Variants in ITGA1 observed in about 807,000 individuals in gnomAD.
ITGA1 encodes integrin subunit alpha 1.
In ITGA1, 85 loss-of-function variants were observed where a neutral mutation model predicts 145.9. The observed-to-expected ratio is 0.58, with a 90% CI of 0.49 to 0.70. The LOEUF (loss-of-function observed/expected upper bound fraction) is 0.70. Among genes scored for constraint, ITGA1 ranks in the 30% least tolerant of loss-of-function variants. The pLI, the probability that ITGA1 is intolerant of heterozygous loss-of-function variation, is 0.00. For missense variants in ITGA1, 1,351 were observed against 1,418.7 expected (o/e 0.95, Z 0.77); for synonymous variants, 520 against 495.3 (o/e 1.05, Z -0.66).
intron 3 of ITGA1, among the ~76,000 whole-genome samples, chr5:52,863,815 A>G (rs1407010790): frequency 6.6e-6 from 1 of 152,162 alleles, no homozygotes; most frequent in Non-Finnish European, 1.5e-5. Flanking sequence ...AGCTTTGTAT[A>G]TAAAACTCTA....
intron 13 of ITGA1, 32 bp downstream of exon 13, chr5:52,909,073 GA>G: frequency 6.3e-7 from 1 of 1,585,158 alleles, no homozygotes; most frequent in Non-Finnish European, 8.5e-7. Context: ...AGAAATCCAG[GA>G]AAATCTCTTC....
At chr5:52,919,203 G>A (rs1442620839) in intron 16 of ITGA1, among the ~76,000 whole-genome samples, 1 of 152,124 alleles carries the variant, frequency 6.6e-6, no homozygotes, top group African/African-American at 2.4e-5. Context: ...CCGATTCAGA[G>A]GTAGAGTTTA....
chr5:52,900,413 T>A lies in ITGA1; in HGVS notation c.1309+2030T>A, dbSNP rs140550815. Among the ~76,000 whole-genome samples the A allele has an allele frequency of 1.6e-3, 242 of 152,256 alleles. 1 individual carries two copies. In the South Asian group the frequency reaches 0.034, roughly 21 times the overall value. On this transcript the variant is annotated intron_variant, in intron 11 of 28. Coordinates refer to ENST00000282588, the MANE Select transcript of ITGA1 (RefSeq NM_181501.2). The stretch of plus-strand genomic sequence containing the variant: ...TACCACATTTATACAGAAATTTCAC[T>A]TCTGTGGACCTAACCTAGGGAAAAA...
At chr5:52,863,415 A>G (rs1332032007) in intron 3 of ITGA1, among the ~76,000 whole-genome samples, 1 of 151,086 alleles carries the variant, frequency 6.6e-6, no homozygotes, top group African/African-American at 2.4e-5. Context: ...TTTATTCAGT[A>G]CAGTAAGACT....
chr5:52,906,889 C>T (rs773698223), intron 12 of ITGA1, among the ~76,000 whole-genome samples: 1 of 152,316 alleles, frequency 6.6e-6, no homozygotes, highest in Non-Finnish European at 1.5e-5. Context: ...ACAAACTGCA[C>T]TCGCTTTAAA....
rs1750714507 is a variant in ITGA1 at position 52,920,455 on chromosome 5, CCTT to C, written c.2282_2284del (p.Phe761del). 1.9e-6 allele frequency: 3 copies of C among 1,600,402 alleles called. No homozygotes were observed. Among genetic ancestry groups the C allele is most frequent in the Non-Finnish European group, 2.6e-6 (3 of 1,174,808 alleles). On this transcript the variant is annotated inframe_deletion, in exon 17 of 29. Coordinates refer to ENST00000282588, the MANE Select transcript of ITGA1 (RefSeq NM_181501.2). ...CGAAAATCAGAATGCACTAAGCACT[CCTT>C]CTACATGTTGGCAAGTAAATCATAT...
intron 2 of ITGA1, among the ~76,000 whole-genome samples, chr5:52,852,952 T>A (rs1285276585): frequency 1.3e-5 from 2 of 152,232 alleles, no homozygotes; most frequent in Non-Finnish European, 2.9e-5. Flanking sequence ...AGATTTCATC[T>A]CTACACTCAG....
chr5:52,846,896 A>C (rs1368679944), intron 1 of ITGA1, among the ~76,000 whole-genome samples: 1 of 152,186 alleles, frequency 6.6e-6, no homozygotes, highest in Non-Finnish European at 1.5e-5. Flanking sequence ...ATCTTCCTTA[A>C]CTAAGATGAA....
intron 1 of ITGA1, among the ~76,000 whole-genome samples, chr5:52,820,799 T>A (rs1489893507): frequency 1.3e-5 from 2 of 152,156 alleles, no homozygotes; most frequent in Non-Finnish European, 2.9e-5. Flanking sequence ...ATTTATAGTA[T>A]TATCTCAGTT....
At chr5:52,855,069 C>A (rs1333419355) in intron 2 of ITGA1, among the ~76,000 whole-genome samples, 1 of 152,148 alleles carries the variant, frequency 6.6e-6, no homozygotes, top group African/African-American at 2.4e-5. Context: ...TGTGCCTGGG[C>A]CTTCACCTTG....
rs1397741648 is a variant in ITGA1, at chr5:52,881,992, T to C, written c.744T>C (p.Thr248=). 6.2e-7 allele frequency: 1 copy of C among 1,613,074 alleles called. No homozygotes were observed. The highest frequency in any genetic ancestry group is 8.5e-7 in the Non-Finnish European group (1 of 1,179,518). Residue 248 remains threonine, a synonymous_variant, in exon 7 of 29, where the codon ACT becomes ACC. Coordinates refer to ENST00000282588, the MANE Select transcript of ITGA1 (RefSeq NM_181501.2). The part of the protein sequence containing the change: ...KKIVQRGGRQ[T]MTALGIDTAR... ...TAGTCCAGAGAGGTGGCCGCCAGAC[T>C]ATGACAGCTCTTGGAATAGACACAG...
At chr5:52,852,030 G>A (rs1475573949) in intron 2 of ITGA1, among the ~76,000 whole-genome samples, 1 of 152,158 alleles carries the variant, frequency 6.6e-6, no homozygotes, top group African/African-American at 2.4e-5. Flanking sequence ...TTCAAAACAG[G>A]AGGAGATGAT....
chr5:52,920,712 G>A (rs980382195), intron 17 of ITGA1, among the ~76,000 whole-genome samples: 2 of 152,100 alleles, frequency 1.3e-5, no homozygotes, highest in Admixed American at 6.5e-5. Flanking sequence ...ATTATGGAAC[G>A]GCAGGAAAAG....
At position 52,958,445 on chromosome 5, in the gene ITGA1, A is replaced by G. The variant is rs1751333469; in HGVS notation, c.*5994A>G. The G allele has an allele frequency of 6.6e-6, 1 of 152,200 alleles. No individual in the cohort carries two copies. The highest frequency in any genetic ancestry group is 6.5e-5 in the Admixed American group (1 of 15,278). The allele number at this position is 152,200 out of a possible 1,614,324, so 9.4% of individuals were successfully genotyped here. A position where few individuals can be genotyped will look rare whatever the true frequency, so the allele number is the denominator to read the frequency against. On this transcript the variant is annotated 3_prime_UTR_variant, in exon 29 of 29. Coordinates refer to ENST00000282588, the MANE Select transcript of ITGA1 (RefSeq NM_181501.2). ...ACCAAGGCTAATTTCCTGGAGTTTA[A>G]TACACTTTGGATTCAAGTAAAAACA... is the stretch of plus-strand genomic sequence containing the variant.
intron 12 of ITGA1, among the ~76,000 whole-genome samples, chr5:52,908,208 G>A (rs1027302599): frequency 1.2e-4 from 19 of 152,112 alleles, no homozygotes; most frequent in African/African-American, 4.3e-4. Flanking sequence ...GCCAGTACAG[G>A]GAGATGTACC....
At chr5:52,820,713 A>T (rs1234943749) in intron 1 of ITGA1, among the ~76,000 whole-genome samples, 1 of 152,160 alleles carries the variant, frequency 6.6e-6, no homozygotes, top group African/African-American at 2.4e-5. Flanking sequence ...GTGAGCCCTA[A>T]CTGCCGCAGA....
At chr5:52,925,142 A>AT (rs1750784534) in intron 18 of ITGA1, 136 bp from the exon 19 acceptor site, 5 of 640,680 alleles carry the variant, frequency 7.8e-6, no homozygotes, top group Non-Finnish European at 1.4e-5. Flanking sequence ...ATCCCTTAAG[A>AT]TTTTTGCAGG....
At chr5:52,890,323 T>C (rs1750126332) in intron 8 of ITGA1, among the ~76,000 whole-genome samples, 1 of 152,232 alleles carries the variant, frequency 6.6e-6, no homozygotes, top group Non-Finnish European at 1.5e-5. Flanking sequence ...ATGCTGTATA[T>C]AATATTTTGG....
At chr5:52,877,395 G>C (rs912001821) in intron 6 of ITGA1, among the ~76,000 whole-genome samples, 5 of 152,070 alleles carry the variant, frequency 3.3e-5, no homozygotes, top group Admixed American at 6.5e-5. Context: ...TCTGGAGTCG[G>C]GCTCCAACAC....
Sources: allele counts gnomAD v4.1 joint callset (sites outside exome capture counted in the v4.1 genomes callset), GRCh38; gene constraint gnomAD v4.1.1; transcripts MANE v1.5; gene names NCBI Gene and HGNC (gene_info 2026-07-23, HGNC 2026-07-21).